CSMD1: variants seen among roughly 807,000 people sequenced by gnomAD.
CSMD1 encodes CUB and Sushi multiple domains 1.
CSMD1 carries 213 observed loss-of-function variants against 417.5 expected under a neutral mutation model. The observed-to-expected ratio is 0.51, with a 90% confidence interval of 0.46 to 0.57. The LOEUF is 0.57. Among genes scored for constraint, CSMD1 ranks in the 20% least tolerant of loss-of-function variants. The pLI is 0.00. For missense variants in CSMD1, 6,923 were observed against 4,529.7 expected, an observed-to-expected ratio of 1.53 and a Z score of -15.17; for synonymous variants, 2,862 against 1,736.8, an observed-to-expected ratio of 1.65 and a Z score of -16.11.
chr8:4,044,484 G>C (rs943050767), intron 3 of CSMD1, among the ~76,000 whole-genome samples: 2 of 152,140 alleles, frequency 1.3e-5, no homozygotes, highest in African/African-American at 2.4e-5. Context: ...CATCTCAGGG[G>C]ACCAGCGACC....
chr8:4,958,843 T>C (rs1016184830), intron 1 of CSMD1, among the ~76,000 whole-genome samples: 6 of 152,170 alleles, frequency 3.9e-5, no homozygotes, highest in Admixed American at 6.6e-5. Flanking sequence ...AAAAAATGCA[T>C]GTCCTTTAGT....
At chr8:4,484,132 G>C (rs1801243422) in intron 2 of CSMD1, among the ~76,000 whole-genome samples, 1 of 151,758 alleles carries the variant, frequency 6.6e-6, no homozygotes, top group Admixed American at 6.6e-5. Flanking sequence ...CCACAACAAA[G>C]GCTAGAAGGA....
At chr8:3,015,181 G>A (rs1808730852) in intron 52 of CSMD1, among the ~76,000 whole-genome samples, 1 of 151,358 alleles carries the variant, frequency 6.6e-6, no homozygotes, top group African/African-American at 2.4e-5. Flanking sequence ...AAGCATAACT[G>A]AGGCAGCTCT....
At chr8:4,538,536 G>C (rs1200677975) in intron 2 of CSMD1, among the ~76,000 whole-genome samples, 1 of 151,924 alleles carries the variant, frequency 6.6e-6, no homozygotes, top group Non-Finnish European at 1.5e-5. Flanking sequence ...CCACCTACTT[G>C]GGAGGCTGAG....
At chr8:3,015,089 G>C (rs904690266) in intron 52 of CSMD1, among the ~76,000 whole-genome samples, 1 of 131,564 alleles carries the variant, frequency 7.6e-6, no homozygotes, top group South Asian at 2.6e-4. Context: ...GTTTTTAAAA[G>C]CTTCTTAATG....
intron 11 of CSMD1, among the ~76,000 whole-genome samples, chr8:3,484,166 T>C (rs1817895400): frequency 6.6e-6 from 1 of 152,224 alleles, no homozygotes; most frequent in Non-Finnish European, 1.5e-5. Context: ...GAAACATCAC[T>C]CCGCCTGATA....
chr8:3,710,108 C>G (rs1375855860), intron 6 of CSMD1, among the ~76,000 whole-genome samples: 2 of 146,146 alleles, frequency 1.4e-5, no homozygotes, highest in African/African-American at 5.0e-5. Context: ...TTTACGCATT[C>G]ATGACACACC....
intron 50 of CSMD1, among the ~76,000 whole-genome samples, chr8:3,049,318 C>A (rs1811660870): frequency 6.6e-6 from 1 of 152,124 alleles, no homozygotes; most frequent in Non-Finnish European, 1.5e-5. Flanking sequence ...AATTGTAAAA[C>A]TTGGAAGCAA....
At chr8:3,725,237 C>G (rs17067155) in intron 6 of CSMD1, among the ~76,000 whole-genome samples, 9,753 of 152,128 alleles carry the variant, frequency 0.064, 340 homozygotes, top group Middle Eastern at 0.11. Context: ...TAGGAAGGCC[C>G]TCAAGGTGTG....
intron 5 of CSMD1, among the ~76,000 whole-genome samples, chr8:3,953,031 A>G (rs957652377): frequency 1.3e-5 from 2 of 152,160 alleles, no homozygotes; most frequent in African/African-American, 2.4e-5. Flanking sequence ...AAGGTTTACT[A>G]AAGACAAAAT....
chr8:3,562,384 A>ATG (rs1397208671), intron 10 of CSMD1, among the ~76,000 whole-genome samples: 1 of 146,608 alleles, frequency 6.8e-6, no homozygotes, highest in Non-Finnish European at 1.5e-5. Context: ...GCACACACAC[A>ATG]CACGTACACA....
chr8:3,165,241 CAAT>C (rs1334789294), intron 37 of CSMD1, among the ~76,000 whole-genome samples: 1 of 151,740 alleles, frequency 6.6e-6, no homozygotes, highest in Non-Finnish European at 1.5e-5. Flanking sequence ...TATTTTTTAT[CAAT>C]ATTATTTAAA....
intron 23 of CSMD1, 140 bp downstream of exon 23, chr8:3,343,154 C>T (rs1025932867): frequency 9.5e-6 from 6 of 633,744 alleles, no homozygotes; most frequent in South Asian, 2.2e-5. Flanking sequence ...AACCAGTCAA[C>T]AGAGTACAGA....
intron 17 of CSMD1, among the ~76,000 whole-genome samples, chr8:3,394,881 T>C (rs889102939): frequency 4.6e-5 from 7 of 152,206 alleles, no homozygotes; most frequent in Admixed American, 1.3e-4. Context: ...AATTTGAAAT[T>C]TGTCATTAAG....
Position 3,925,955 on chromosome 8 carries a change from T to C in CSMD1, c.818+71948A>G, listed in dbSNP as rs112291045. ...GCAGCCAAGCAGTAAAGGCTTTTCC[T>C]TATACCTTTAACCTCAGTCACCCAA... On this transcript the variant is annotated intron_variant, in intron 5 of 69. Coordinates refer to ENST00000635120, the MANE Select transcript of CSMD1 (RefSeq NM_033225.6). Among the ~76,000 whole-genome samples the C allele has an allele frequency of 4.3e-3, 657 of 151,408 alleles. 7 individuals carry two copies. The highest frequency in any genetic ancestry group is 0.015 in the African/African-American group (624 of 41,166).
At chr8:3,952,582 T>G (rs1280479322) in intron 5 of CSMD1, among the ~76,000 whole-genome samples, 1 of 152,172 alleles carries the variant, frequency 6.6e-6, no homozygotes, top group African/African-American at 2.4e-5. Flanking sequence ...AGATCAGCAG[T>G]CACCAAGAGA....
In CSMD1 at chr8:4,994,650, G is replaced by A; in HGVS notation, c.-234C>T. On this transcript the variant is annotated 5_prime_UTR_variant, in exon 1 of 70. Transcript: ENST00000635120. Reference sequence around the variant, plus strand: ...GAGCTGCTCCGAGCGCGGAGACCCGGGCTGGCGGGGCCGGGGCCGGGGACG... The same window carrying A: ...GAGCTGCTCCGAGCGCGGAGACCCGAGCTGGCGGGGCCGGGGCCGGGGACG... 2 of 451,048 alleles carry A rather than the reference G, an allele frequency of 4.4e-6. No individual in the cohort carries two copies. Among genetic ancestry groups the A allele is most frequent in the South Asian group, 3.4e-5 (1 of 29,424 alleles). The allele number at this position is 451,048 out of a possible 1,614,324, so 27.9% of individuals were successfully genotyped here.
At chr8:4,261,357 A>T (rs60504759) in intron 3 of CSMD1, among the ~76,000 whole-genome samples, 14,959 of 152,162 alleles carry the variant, frequency 0.098, 1,092 homozygotes, top group East Asian at 0.4. Context: ...ATCTAAGAAC[A>T]TCTTCTCAGA....
intron 3 of CSMD1, among the ~76,000 whole-genome samples, chr8:4,122,514 A>C (rs1802541442): frequency 1.3e-5 from 2 of 152,150 alleles, no homozygotes; most frequent in Admixed American, 6.5e-5. Context: ...GAGAACCAGA[A>C]AGTACCAGCC....
Sources: allele counts gnomAD v4.1 joint callset (sites outside exome capture counted in the v4.1 genomes callset), GRCh38; gene constraint gnomAD v4.1.1; transcripts MANE v1.5; gene names NCBI Gene and HGNC (gene_info 2026-07-23, HGNC 2026-07-21).